The following ST6GALNAC3 variants were observed in gnomAD, a reference collection of about 807,000 sequenced individuals.
ST6GALNAC3 encodes alpha-N-acetylgalactosaminide alpha-2,6-sialyltransferase 3.
ST6GALNAC3 carries 25 observed loss-of-function variants against 32.7 expected under a neutral mutation model. The observed-to-expected ratio is 0.76, with a 90% CI of 0.56 to 1.07. ST6GALNAC3 has a LOEUF of 1.07. Among genes scored for constraint, ST6GALNAC3 ranks in the 50% least tolerant of loss-of-function variants. The pLI, the probability that ST6GALNAC3 is intolerant of heterozygous loss-of-function variation, is 0.00. For synonymous variants in ST6GALNAC3, 129 were observed against 133.1 expected, an observed-to-expected ratio of 0.97 and a Z score of 0.21; for missense variants, 355 against 382.4, an observed-to-expected ratio of 0.93 and a Z score of 0.60.
At chr1:76,543,269 G>A (rs1373074194) in intron 3 of ST6GALNAC3, among the ~76,000 whole-genome samples, 1 of 152,152 alleles carries the variant, frequency 6.6e-6, no homozygotes, top group Admixed American at 6.5e-5. Flanking sequence ...CTCAGGGAAG[G>A]TCGGGAACTG....
chr1:76,500,980 C>T (rs966555126), intron 3 of ST6GALNAC3, among the ~76,000 whole-genome samples: 1 of 152,042 alleles, frequency 6.6e-6, no homozygotes, highest in Non-Finnish European at 1.5e-5. Flanking sequence ...ATTCATAAAC[C>T]CTTCCTGGAA....
At position 76,412,342 on chromosome 1, in the gene ST6GALNAC3, C is replaced by T. The variant is rs1000557073; in HGVS notation, c.548C>T (p.Ala183Val). The T allele has an allele frequency of 1.2e-6, 2 of 1,613,014 alleles. No individual in the cohort carries two copies. Among genetic ancestry groups the T allele is most frequent in the Non-Finnish European group, 1.7e-6 (2 of 1,179,638 alleles). ...AAGACAGTTGGTATCTATCCGAATG[C>T]CCAAATATACGTGACCACAGAGAAG... is the stretch of plus-strand genomic sequence containing the variant. ...LKKTVGIYPN[A>V]QIYVTTEKRM... The change falls in exon 3 of 5, where the codon GCC becomes GTC. Residue 183 changes from alanine (A) to valine (V), a missense_variant. Physicochemically the swap from Ala to Val is moderately conservative, Grantham distance 64. Coordinates refer to ENST00000328299, the MANE Select transcript of ST6GALNAC3 (RefSeq NM_152996.4).
chr1:76,140,971 G>C (rs1038736425), intron 1 of ST6GALNAC3, among the ~76,000 whole-genome samples: 2 of 151,680 alleles, frequency 1.3e-5, no homozygotes, highest in Non-Finnish European at 2.9e-5. Context: ...ACTTGCCTAT[G>C]GTAGGTACTC....
At chr1:76,384,917 AAT>A (rs1486159132) in intron 2 of ST6GALNAC3, among the ~76,000 whole-genome samples, 4 of 152,156 alleles carry the variant, frequency 2.6e-5, no homozygotes, top group African/African-American at 9.6e-5. Flanking sequence ...ATATTCATAT[AAT>A]GAAATAGTGA....
At chr1:76,218,045 C>A (rs1424410160) in intron 1 of ST6GALNAC3, among the ~76,000 whole-genome samples, 1 of 151,870 alleles carries the variant, frequency 6.6e-6, no homozygotes, top group African/African-American at 2.4e-5. Flanking sequence ...AGTGGAATTG[C>A]TGGATCAAAT....
intron 1 of ST6GALNAC3, among the ~76,000 whole-genome samples, chr1:76,130,425 A>G (rs1267375871): frequency 6.6e-6 from 1 of 152,186 alleles, no homozygotes; most frequent in African/African-American, 2.4e-5. Flanking sequence ...AGTGGACTCC[A>G]TCAACTCATT....
intron 1 of ST6GALNAC3, among the ~76,000 whole-genome samples, chr1:76,156,106 G>A (rs1040687516): frequency 2.3e-5 from 2 of 88,192 alleles, no homozygotes; most frequent in African/African-American, 5.3e-5. Context: ...ATTTGTCTAA[G>A]GTTTTCTAAT....
intron 3 of ST6GALNAC3, among the ~76,000 whole-genome samples, chr1:76,533,809 T>G (rs1046896636): frequency 3.9e-5 from 6 of 152,202 alleles, no homozygotes; most frequent in Non-Finnish European, 7.3e-5. Context: ...TCATCATTGG[T>G]CTGTGAGGAC....
intron 3 of ST6GALNAC3, among the ~76,000 whole-genome samples, chr1:76,623,720 G>A (rs934317616): frequency 3.3e-5 from 5 of 151,916 alleles, no homozygotes; most frequent in African/African-American, 4.8e-5. Context: ...CATACATCAG[G>A]TAAAGTCTTT....
At chr1:76,562,714 T>C (rs1374119481) in intron 3 of ST6GALNAC3, among the ~76,000 whole-genome samples, 1 of 152,206 alleles carries the variant, frequency 6.6e-6, no homozygotes, top group Admixed American at 6.5e-5. Context: ...TAAAAGTAAA[T>C]ATATTACTAT....
intron 2 of ST6GALNAC3, among the ~76,000 whole-genome samples, chr1:76,397,888 T>A (rs975067694): frequency 6.6e-6 from 1 of 152,174 alleles, no homozygotes; most frequent in Non-Finnish European, 1.5e-5. Context: ...TTAGTTCTAA[T>A]AGTTTTTCTC....
chr1:76,152,520 T>C (rs537242645), intron 1 of ST6GALNAC3, among the ~76,000 whole-genome samples: 20 of 152,336 alleles, frequency 1.3e-4, no homozygotes, highest in Middle Eastern at 3.4e-3. Flanking sequence ...CTTTCTTAAA[T>C]TCTGAAATGC....
chr1:76,252,822 T>C (rs1657699973), intron 1 of ST6GALNAC3, among the ~76,000 whole-genome samples: 1 of 152,152 alleles, frequency 6.6e-6, no homozygotes, highest in Admixed American at 6.6e-5. Context: ...TCAATTTAAA[T>C]GAGGTTTGTC....
chr1:76,590,559 G>A (rs1049630417), intron 3 of ST6GALNAC3, among the ~76,000 whole-genome samples: 1 of 152,164 alleles, frequency 6.6e-6, no homozygotes, highest in African/African-American at 2.4e-5. Context: ...TCCAATCAGA[G>A]CTGAGAGAGC....
intron 1 of ST6GALNAC3, among the ~76,000 whole-genome samples, chr1:76,185,777 GC>G (rs144238466): frequency 0.017 from 2,635 of 152,278 alleles, 84 homozygotes; most frequent in African/African-American, 0.061. Flanking sequence ...CATGGGTTCT[GC>G]ATCCATGGAT....
At chr1:76,587,003 T>G (rs1646971687) in intron 3 of ST6GALNAC3, among the ~76,000 whole-genome samples, 1 of 152,226 alleles carries the variant, frequency 6.6e-6, no homozygotes, top group Non-Finnish European at 1.5e-5. Flanking sequence ...ACCTTTAAGT[T>G]AGACTGTGTG....
At chr1:76,447,784 A>T (rs2101539447) in intron 3 of ST6GALNAC3, among the ~76,000 whole-genome samples, 1 of 152,260 alleles carries the variant, frequency 6.6e-6, no homozygotes, top group Non-Finnish European at 1.5e-5. Context: ...GGTGCACGGA[A>T]CTCAAGAATT....
At chr1:76,189,609 TAAC>T (rs1267841154) in intron 1 of ST6GALNAC3, among the ~76,000 whole-genome samples, 2 of 152,160 alleles carry the variant, frequency 1.3e-5, no homozygotes, top group Non-Finnish European at 1.5e-5. Context: ...GTAAATCCAA[TAAC>T]AACAACAAGA....
chr1:76,102,045 G>A (rs58246454), intron 1 of ST6GALNAC3, among the ~76,000 whole-genome samples: 1,685 of 152,062 alleles, frequency 0.011, 33 homozygotes, highest in African/African-American at 0.039. Flanking sequence ...GATTTCTTTT[G>A]TCTTTTTTTG....
Sources: allele counts gnomAD v4.1 joint callset (sites outside exome capture counted in the v4.1 genomes callset), GRCh38; gene constraint gnomAD v4.1.1; transcripts MANE v1.5; gene names NCBI Gene and HGNC (gene_info 2026-07-23, HGNC 2026-07-21).